The following RBFOX1 variants were observed in gnomAD, a reference collection of about 807,000 sequenced individuals.
RBFOX1 encodes the protein RNA binding protein fox-1 homolog 1.
RBFOX1 carries 8 observed loss-of-function variants against 57.7 expected under a neutral mutation model. The observed-to-expected ratio is 0.14, with a 90% CI of 0.08 to 0.25. The LOEUF (loss-of-function observed/expected upper bound fraction) is 0.25. Ranked by LOEUF, RBFOX1 falls within the 10% of genes least tolerant of loss-of-function variation. The probability of loss-of-function intolerance (pLI) is 1.00; values close to 1 mark genes in which losing one functional copy is unlikely to be tolerated. For synonymous variants in RBFOX1, 326 were observed against 222.4 expected, an observed-to-expected ratio of 1.47 and a Z score of -4.15; for missense variants, 611 against 548.5, an observed-to-expected ratio of 1.11 and a Z score of -1.14.
intron 3 of RBFOX1, among the ~76,000 whole-genome samples, chr16:7,029,095 C>T (rs201352648): frequency 0.23 from 7,806 of 33,324 alleles, 1,369 homozygotes; most frequent in South Asian, 0.32. Flanking sequence ...CACACACACA[C>T]ACACACACAC....
At chr16:6,280,259 A>G (rs1216733502) in intron 1 of RBFOX1, among the ~76,000 whole-genome samples, 1 of 152,146 alleles carries the variant, frequency 6.6e-6, no homozygotes, top group Non-Finnish European at 1.5e-5. Context: ...ATCGTCCCAG[A>G]ATCCAAGGAC....
intron 2 of RBFOX1, among the ~76,000 whole-genome samples, chr16:6,634,776 TATATA>T (rs60468167): frequency 1.7e-4 from 8 of 47,112 alleles, no homozygotes; most frequent in Non-Finnish European, 3.3e-4. Flanking sequence ...TTGTACTAAA[TATATA>T]ATACAAAGAT....
chr16:5,487,527 G>C (rs144117203), intron 2 of RBFOX1, among the ~76,000 whole-genome samples: 2 of 152,202 alleles, frequency 1.3e-5, no homozygotes, highest in Non-Finnish European at 2.9e-5. Flanking sequence ...AGTCTGGAAA[G>C]GTTGGTTGGT....
intron 4 of RBFOX1, among the ~76,000 whole-genome samples, chr16:7,160,756 C>T (rs539050300): frequency 2.0e-5 from 3 of 151,080 alleles, no homozygotes; most frequent in East Asian, 2.0e-4. Context: ...TATGTCTATT[C>T]CTCCTCCTCC....
At chr16:5,715,121 C>T (rs555411742) in intron 3 of RBFOX1, among the ~76,000 whole-genome samples, 43 of 152,310 alleles carry the variant, frequency 2.8e-4, no homozygotes, top group Non-Finnish European at 5.1e-4. Context: ...TACATTTAGC[C>T]ATTTTGCCTC....
At chr16:6,239,998 C>T (rs912526292) in intron 1 of RBFOX1, among the ~76,000 whole-genome samples, 95 of 152,144 alleles carry the variant, frequency 6.2e-4, no homozygotes, top group African/African-American at 2.0e-3. Context: ...TTTCGGTCAT[C>T]GGAGTGGATC....
In RBFOX1 at chr16:6,675,348, G is replaced by A. The variant is rs116623635; in HGVS notation, c.-16+20698G>A. On this transcript the variant is annotated intron_variant, in intron 3 of 15. Transcript: ENST00000550418. ...GGTGCTCTTGCAAATGTCATCAGAAGTGTATCTGTCCCAATTTCTCATTTT... is the reference window on the plus strand; with the variant it reads ...GGTGCTCTTGCAAATGTCATCAGAAATGTATCTGTCCCAATTTCTCATTTT... 1.6e-3 allele frequency among the ~76,000 whole-genome samples: 243 copies of A among 152,282 alleles called. 1 individual carries two copies. Among genetic ancestry groups the A allele is most frequent in the African/African-American group, 5.7e-3 (236 of 41,564 alleles).
At chr16:7,184,232 C>T (rs1037931634) in intron 4 of RBFOX1, among the ~76,000 whole-genome samples, 2 of 152,166 alleles carry the variant, frequency 1.3e-5, no homozygotes, top group African/African-American at 4.8e-5. Context: ...TCAAGGAGGA[C>T]TTCTTTGCTT....
At chr16:5,846,006 C>T (rs1023650929) in intron 3 of RBFOX1, among the ~76,000 whole-genome samples, 4 of 152,056 alleles carry the variant, frequency 2.6e-5, no homozygotes, top group African/African-American at 4.8e-5. Context: ...AACCCTATCT[C>T]TACTAAAAAT....
intron 4 of RBFOX1, among the ~76,000 whole-genome samples, chr16:7,056,051 T>C (rs12596626): frequency 1.3e-5 from 2 of 152,166 alleles, no homozygotes; most frequent in Non-Finnish European, 2.9e-5. Context: ...TTGTGTAATT[T>C]GGACTGCACT....
intron 4 of RBFOX1, among the ~76,000 whole-genome samples, chr16:7,203,594 G>A (rs1320938446): frequency 2.6e-5 from 4 of 152,228 alleles, no homozygotes; most frequent in African/African-American, 9.6e-5. Flanking sequence ...GGTGGGCCGT[G>A]CCCAGGATTG....
intron 4 of RBFOX1, among the ~76,000 whole-genome samples, chr16:7,428,323 C>CTTTTTT (rs201523653): frequency 7.1e-5 from 8 of 112,334 alleles, no homozygotes; most frequent in East Asian, 2.5e-4. Context: ...GAATTAATAT[C>CTTTTTT]TTTTTTTTTT....
chr16:5,239,727 G>C (rs1242053178), upstream of RBFOX1: 2 of 440,920 alleles, frequency 4.5e-6, no homozygotes, highest in Non-Finnish European at 7.8e-6. Context: ...GGGCGCCAGA[G>C]AGCCAGGAGC....
At chr16:7,242,255 A>T (rs868088313) in intron 4 of RBFOX1, among the ~76,000 whole-genome samples, 2 of 152,316 alleles carry the variant, frequency 1.3e-5, no homozygotes, top group South Asian at 2.1e-4. Flanking sequence ...TTCACTGAAA[A>T]TTCAGAGACA....
At chr16:7,646,111 C>A (rs1264939333) in intron 11 of RBFOX1, among the ~76,000 whole-genome samples, 1 of 152,034 alleles carries the variant, frequency 6.6e-6, no homozygotes, top group African/African-American at 2.4e-5. Context: ...CTGTAAAATC[C>A]TATGTTATAA....
At chr16:6,321,678 G>A (rs75309933) in intron 2 of RBFOX1, among the ~76,000 whole-genome samples, 3,304 of 152,248 alleles carry the variant, frequency 0.022, 113 homozygotes, top group African/African-American at 0.076. Flanking sequence ...ATATAATAAT[G>A]GTCGGGCAGA....
At chr16:5,795,399 G>T (rs77943384) in intron 3 of RBFOX1, among the ~76,000 whole-genome samples, 4,001 of 151,976 alleles carry the variant, frequency 0.026, 170 homozygotes, top group African/African-American at 0.09. Flanking sequence ...AATCTTCTGG[G>T]CTCAAGTGAT....
At chr16:5,383,158 A>G (rs1236672614) in intron 1 of RBFOX1, among the ~76,000 whole-genome samples, 1 of 152,192 alleles carries the variant, frequency 6.6e-6, no homozygotes, top group Non-Finnish European at 1.5e-5. Context: ...GGATTTTCAA[A>G]GCTATGGAGA....
chr16:7,513,968 G>A (rs2075784473), intron 4 of RBFOX1, among the ~76,000 whole-genome samples: 1 of 152,188 alleles, frequency 6.6e-6, no homozygotes, highest in African/African-American at 2.4e-5. Context: ...CTTTGGTTTG[G>A]AGAGTATACA....
Sources: allele counts gnomAD v4.1 joint callset (sites outside exome capture counted in the v4.1 genomes callset), GRCh38; gene constraint gnomAD v4.1.1; transcripts MANE v1.5; gene names NCBI Gene and HGNC (gene_info 2026-07-23, HGNC 2026-07-21).